TASP1: variants seen among roughly 807,000 people sequenced by gnomAD.
TASP1 encodes threonine aspartase 1.
In TASP1, 16 loss-of-function variants were observed where a neutral mutation model predicts 56.6. The observed-to-expected ratio is 0.28, with a 90% CI of 0.19 to 0.43. The LOEUF (loss-of-function observed/expected upper bound fraction) is 0.43, where lower values mean the gene tolerates loss of function less well. Ranked by LOEUF, TASP1 falls within the 20% of genes least tolerant of loss-of-function variation. The pLI is 1.00. For synonymous variants in TASP1, 179 were observed against 184.2 expected (o/e 0.97, Z 0.23); for missense variants, 393 against 511.6 (o/e 0.77, Z 2.24).
the TASP1 span, among the ~76,000 whole-genome samples, chr20:13,146,170 C>G: frequency 6.6e-6 from 1 of 152,124 alleles, no homozygotes; most frequent in Admixed American, 6.5e-5. Context: ...CAAACTAACA[C>G]AGGAACATAA....
chr20:13,271,621 C>T, the TASP1 span, among the ~76,000 whole-genome samples: 1 of 152,196 alleles, frequency 6.6e-6, no homozygotes, highest in Non-Finnish European at 1.5e-5. Context: ...AATCCAGGCT[C>T]TCAGACTCCC....
the TASP1 span, among the ~76,000 whole-genome samples, chr20:13,373,874 A>G: frequency 6.6e-6 from 1 of 151,856 alleles, no homozygotes; most frequent in African/African-American, 2.4e-5. Context: ...TACTTCCATT[A>G]TGCATATTTC....
intron 2 of TASP1, among the ~76,000 whole-genome samples, chr20:13,629,364 C>CAAAA (rs1218111399): frequency 1.2e-4 from 6 of 52,048 alleles, no homozygotes; most frequent in Admixed American, 8.6e-4. Flanking sequence ...AACTCCATCT[C>CAAAA]AAAAAAAAAA....
intron 5 of TASP1, among the ~76,000 whole-genome samples, chr20:13,584,586 T>C (rs1205497109): frequency 1.3e-5 from 2 of 152,168 alleles, no homozygotes; most frequent in Non-Finnish European, 2.9e-5. Context: ...TTGACCTAAG[T>C]GACACACACA....
the TASP1 span, among the ~76,000 whole-genome samples, chr20:13,220,612 T>C: frequency 6.6e-6 from 1 of 152,306 alleles, no homozygotes; most frequent in Non-Finnish European, 1.5e-5. Flanking sequence ...CCTGCGCCCG[T>C]GACCAGACGA....
At chr20:13,621,213 CAA>C (rs71334139) in intron 4 of TASP1, among the ~76,000 whole-genome samples, 5,115 of 151,912 alleles carry the variant, frequency 0.034, 135 homozygotes, top group Non-Finnish European at 0.052. Context: ...CACCTGAGCT[CAA>C]GAGTTCAAGA....
the TASP1 span, among the ~76,000 whole-genome samples, chr20:13,204,735 T>C: frequency 6.6e-6 from 1 of 152,096 alleles, no homozygotes; most frequent in Non-Finnish European, 1.5e-5. Flanking sequence ...CCACTTTGGA[T>C]TTGGTATGAA....
chr20:13,527,181 C>T (rs1364468641), intron 10 of TASP1, among the ~76,000 whole-genome samples: 4 of 152,076 alleles, frequency 2.6e-5, no homozygotes, highest in African/African-American at 9.7e-5. Context: ...GTCAGAGAGG[C>T]AGACAAACCA....
At chr20:13,541,507 C>A (rs2045621248) in intron 8 of TASP1, among the ~76,000 whole-genome samples, 1 of 152,152 alleles carries the variant, frequency 6.6e-6, no homozygotes, top group Non-Finnish European at 1.5e-5. Flanking sequence ...CATCCACACA[C>A]AAGCACACCT....
the TASP1 span, among the ~76,000 whole-genome samples, chr20:13,318,947 T>A: frequency 6.6e-6 from 1 of 152,168 alleles, no homozygotes. Context: ...CTATAATGGT[T>A]AATACAGGTC....
the TASP1 span, among the ~76,000 whole-genome samples, chr20:13,302,157 G>C: frequency 0.094 from 14,263 of 152,212 alleles, 722 homozygotes; most frequent in Admixed American, 0.12. Flanking sequence ...AGAGAACAGA[G>C]AGCTTTCTTA....
chr20:13,518,374 C>T (rs2044612783), intron 10 of TASP1, among the ~76,000 whole-genome samples: 1 of 152,084 alleles, frequency 6.6e-6, no homozygotes, highest in African/African-American at 2.4e-5. Flanking sequence ...CATGCCAGAA[C>T]ACTCTCAGAG....
chr20:13,170,221 A>G, the TASP1 span, among the ~76,000 whole-genome samples: 4 of 152,186 alleles, frequency 2.6e-5, no homozygotes, highest in African/African-American at 9.7e-5. Context: ...TTATGAGGGG[A>G]TTAACAGTGC....
intron 8 of TASP1, among the ~76,000 whole-genome samples, chr20:13,557,355 A>G (rs1423405494): frequency 2.6e-5 from 4 of 152,160 alleles, no homozygotes; most frequent in African/African-American, 9.6e-5. Context: ...TACATTCTGT[A>G]TGATTCCATT....
At chr20:13,150,079 T>G in the TASP1 span, among the ~76,000 whole-genome samples, 17 of 152,220 alleles carry the variant, frequency 1.1e-4, no homozygotes, top group Non-Finnish European at 2.1e-4. Context: ...GTGGCTGAGA[T>G]GTATCTGTGT....
At chr20:13,549,494 C>T (rs2045910892) in intron 8 of TASP1, among the ~76,000 whole-genome samples, 1 of 151,786 alleles carries the variant, frequency 6.6e-6, no homozygotes, top group Non-Finnish European at 1.5e-5. Flanking sequence ...ATTTATTCTG[C>T]TGTCTTATTA....
At chr20:13,459,399 T>A (rs920388302) in intron 11 of TASP1, among the ~76,000 whole-genome samples, 5 of 152,136 alleles carry the variant, frequency 3.3e-5, no homozygotes, top group African/African-American at 9.7e-5. Flanking sequence ...TCCATCATTA[T>A]AATTAATTCT....
intron 10 of TASP1, among the ~76,000 whole-genome samples, chr20:13,517,168 A>G (rs1043131196): frequency 1.3e-5 from 2 of 152,084 alleles, no homozygotes; most frequent in Non-Finnish European, 2.9e-5. Flanking sequence ...ATGTCAACAT[A>G]TTCCTATATT....
At chr20:13,227,299 G>A in the TASP1 span, among the ~76,000 whole-genome samples, 7 of 146,738 alleles carry the variant, frequency 4.8e-5, no homozygotes, top group Admixed American at 1.4e-4. Flanking sequence ...CACCTCCTGG[G>A]TTCACACCAT....
Sources: gnomAD v4.1 joint callset for allele counts (sites outside exome capture counted in the v4.1 genomes callset) on GRCh38, gnomAD v4.1.1 for gene constraint, MANE v1.5 for transcripts, NCBI Gene and HGNC (gene_info 2026-07-23, HGNC 2026-07-21) for gene names.